The following SEC23A variants were observed in gnomAD, a reference collection of about 807,000 sequenced individuals.
The protein encoded by SEC23A is protein transport protein Sec23A.
In SEC23A, 56 loss-of-function variants were observed where a neutral mutation model predicts 103.7. That is an observed-to-expected ratio of 0.54 (90% confidence interval 0.44 to 0.67). SEC23A has a LOEUF of 0.67. SEC23A is among the 30% of genes least tolerant of loss of function. The pLI is 0.00. For missense variants in SEC23A, 784 were observed against 936.4 expected (o/e 0.84, Z 2.12); for synonymous variants, 281 against 293.0 (o/e 0.96, Z 0.42).
chr14:39,102,123 T>G (rs1048210263), intron 1 of SEC23A, among the ~76,000 whole-genome samples: 1 of 151,920 alleles, frequency 6.6e-6, no homozygotes, highest in African/African-American at 2.4e-5. Flanking sequence ...TCCCAGCTAC[T>G]CGGGAGGCTG....
In SEC23A at chr14:39,085,760, ACCT is replaced by A; in HGVS notation, c.827_828+1del. On this transcript the variant is annotated splice_donor_variant and coding_sequence_variant, in exon 7 of 20. Transcript: ENST00000307712. LOFTEE classifies it high-confidence loss of function. ...ATTCCAAAACAAAACCATCTTCCCT[ACCT>A]CCAGCAGTCCTACAGCTATGGAAAG... 6.2e-7 allele frequency: 1 copy of A among 1,610,242 alleles called. No homozygotes were observed. The highest frequency in any genetic ancestry group is 1.1e-5 in the South Asian group (1 of 90,974).
chr14:39,063,094 C>T (rs947490632), intron 12 of SEC23A, among the ~76,000 whole-genome samples: 2 of 152,110 alleles, frequency 1.3e-5, no homozygotes, highest in African/African-American at 4.8e-5. Flanking sequence ...AGTTGGGCTA[C>T]CCAAGGTTTG....
chr14:39,091,411 A>T, intron 5 of SEC23A, 66 bp downstream of exon 5: 1 of 1,160,588 alleles, frequency 8.6e-7, no homozygotes, highest in Non-Finnish European at 1.3e-6. Flanking sequence ...AAACATACAG[A>T]AGGCATTTAT....
chr14:39,060,235 A>T (rs1363357947), intron 13 of SEC23A, among the ~76,000 whole-genome samples: 1 of 152,128 alleles, frequency 6.6e-6, no homozygotes, highest in African/African-American at 2.4e-5. Context: ...TTTTTCTTCA[A>T]ATGAATAATG....
intron 19 of SEC23A, among the ~76,000 whole-genome samples, chr14:39,037,690 A>G (rs1594432091): frequency 6.6e-6 from 1 of 152,194 alleles, no homozygotes; most frequent in Admixed American, 6.5e-5. Context: ...GTTATCTGAT[A>G]TATGATCTAT....
intron 15 of SEC23A, among the ~76,000 whole-genome samples, chr14:39,045,614 T>G (rs986757559): frequency 1.3e-5 from 2 of 152,058 alleles, no homozygotes; most frequent in Non-Finnish European, 2.9e-5. Context: ...ATCCCAACAC[T>G]CTGGGATGGC....
In SEC23A at chr14:39,092,451, A is replaced by C. The variant is rs1479887140; in HGVS notation, c.366+90T>G. The C allele has an allele frequency of 3.7e-6, 3 of 815,824 alleles. No individual in the cohort carries two copies. The Admixed American group carries it at 6.8e-5, about 19-fold the overall frequency. 50.5% of individuals were successfully genotyped at this position (815,824 alleles called of 1,614,324 possible). On this transcript the variant is annotated intron_variant, in intron 4 of 19. Coordinates refer to ENST00000307712, the MANE Select transcript of SEC23A (RefSeq NM_006364.4). ...GTTCCATCAAATCAATGTGAGAATTAAGCATGATTCCTTCTAAATCATCAT... is the reference window on the plus strand; with the variant it reads ...GTTCCATCAAATCAATGTGAGAATTCAGCATGATTCCTTCTAAATCATCAT...
intron 7 of SEC23A, among the ~76,000 whole-genome samples, chr14:39,084,526 C>T (rs973844947): frequency 2.0e-5 from 3 of 152,134 alleles, no homozygotes; most frequent in Non-Finnish European, 2.9e-5. Flanking sequence ...CACCCACTGT[C>T]CTATAACCTG....
intron 17 of SEC23A, among the ~76,000 whole-genome samples, chr14:39,042,032 C>T (rs112728279): frequency 1.4e-3 from 211 of 152,304 alleles, no homozygotes; most frequent in Non-Finnish European, 2.2e-3. Flanking sequence ...AGTAATCCTC[C>T]TGCCTTGGCC....
intron 13 of SEC23A, 80 bp downstream of exon 13, chr14:39,061,685 C>G: frequency 1.1e-6 from 1 of 933,972 alleles, no homozygotes; most frequent in Admixed American, 1.7e-5. Flanking sequence ...ATGGATGTCA[C>G]CCAAAATAGG....
At chr14:39,074,056 T>C (rs1199354929) in intron 9 of SEC23A, among the ~76,000 whole-genome samples, 3 of 152,186 alleles carry the variant, frequency 2.0e-5, no homozygotes, top group Non-Finnish European at 2.9e-5. Context: ...CTAAACAAAT[T>C]ACGGTGATGG....
chr14:39,085,647 G>C (rs1352817809), intron 7 of SEC23A, 115 bp downstream of exon 7: 3 of 1,319,006 alleles, frequency 2.3e-6, no homozygotes, highest in Non-Finnish European at 2.1e-6. Flanking sequence ...GAATAGGGAG[G>C]AAAAAAAGCA....
intron 14 of SEC23A, among the ~76,000 whole-genome samples, chr14:39,054,281 A>T (rs550851674): frequency 1.3e-5 from 2 of 152,196 alleles, no homozygotes; most frequent in African/African-American, 4.8e-5. Context: ...TCTCAAAAAA[A>T]AAAAAAGGGA....
At chr14:39,080,075 T>C (rs1887171658) in intron 7 of SEC23A, among the ~76,000 whole-genome samples, 1 of 152,072 alleles carries the variant, frequency 6.6e-6, no homozygotes. Flanking sequence ...TATATACAGA[T>C]ACTTTCATAA....
intron 3 of SEC23A, chr14:39,092,970 TCTC>T (rs1453964458): frequency 2.0e-6 from 1 of 488,066 alleles, no homozygotes; most frequent in African/African-American, 2.0e-5. Context: ...TTCATGCCAT[TCTC>T]CTGCCTCAGC....
At position 39,077,227 on chromosome 14, in the gene SEC23A, C is replaced by CAAAAAAAAAA. The variant is rs57549556; in HGVS notation, c.829-1144_829-1135dup. Among the ~76,000 whole-genome samples, 66 of 36,466 alleles carry CAAAAAAAAAA rather than the reference C, an allele frequency of 1.8e-3. 6 individuals carry two copies. The highest frequency in any genetic ancestry group is 7.8e-3 in the African/African-American group (61 of 7,808). The allele number at this position is 36,466 out of a possible 152,430, so 23.9% of individuals were successfully genotyped here. ...TGGGCAATGGAGCAAGACTCCATCTCAAAAAAAAAAAAAAAAAAAAAAAAA... is the reference window on the plus strand; with the variant it reads ...TGGGCAATGGAGCAAGACTCCATCTCAAAAAAAAAAAAAAAAAAAAAAAAAAAAAAAAAAA... On this transcript the variant is annotated intron_variant, in intron 7 of 19. Coordinates refer to ENST00000307712, the MANE Select transcript of SEC23A (RefSeq NM_006364.4).
chr14:39,065,997 C>CAAAAAAAAAAAAAAAAAAAAAAAAA (rs59260008), intron 10 of SEC23A, among the ~76,000 whole-genome samples: 3 of 80,496 alleles, frequency 3.7e-5, no homozygotes, highest in Admixed American at 1.4e-4. Flanking sequence ...AACTCCATCT[C>CAAAAAAAAAAAAAAAAAAAAAAAAA]AAAAAAAAAA....
In SEC23A at chr14:39,067,294, C is replaced by T; in HGVS notation, c.1106G>A (p.Gly369Glu). The T allele has an allele frequency of 6.2e-7, 1 of 1,613,356 alleles. No individual in the cohort carries two copies. The highest frequency in any genetic ancestry group is 8.5e-7 in the Non-Finnish European group (1 of 1,179,758). Residue 369 changes from glycine (G) to glutamate (E), a missense_variant and splice_region_variant, in exon 10 of 20, where the codon GGA (glycine) becomes GAA (glutamate). By Grantham distance (98) the Gly-to-Glu change is moderately conservative. Transcript: ENST00000307712. ...EMKCCPNLTG[G>E]YMVMGDSFNT... is the part of the protein sequence containing the mutation. ...GAAAGAATCACCCATTACCATGTAT[C>T]CTCTGCATGGAAAGAACAAAAAAAC... is the stretch of plus-strand genomic sequence containing the variant.
At chr14:39,077,239 A>T (rs78088421) in intron 7 of SEC23A, among the ~76,000 whole-genome samples, 1 of 135,088 alleles carries the variant, frequency 7.4e-6, no homozygotes, top group South Asian at 2.4e-4. Flanking sequence ...AAAAAAAAAA[A>T]AAAAAAAAAA....
Sources: allele counts gnomAD v4.1 joint callset (sites outside exome capture counted in the v4.1 genomes callset), GRCh38; gene constraint gnomAD v4.1.1; transcripts MANE v1.5; gene names NCBI Gene and HGNC (gene_info 2026-07-23, HGNC 2026-07-21).